The following PARD3 variants were observed in gnomAD, a reference collection of about 807,000 sequenced individuals.
PARD3 encodes the protein partitioning defective 3 homolog.
In PARD3, 75 loss-of-function variants were observed where a neutral mutation model predicts 155.4. That is an observed-to-expected ratio of 0.48 (90% CI 0.40 to 0.58). PARD3 has a LOEUF of 0.58. PARD3 is among the 20% of genes least tolerant of loss of function. The probability of loss-of-function intolerance (pLI) is 0.00; values close to 1 mark genes in which losing one functional copy is unlikely to be tolerated. For missense variants in PARD3, 1,642 were observed against 1,721.7 expected (o/e 0.95, Z 0.82); for synonymous variants, 576 against 610.5 (o/e 0.94, Z 0.83).
chr10:34,479,373 G>A (rs907789500), intron 3 of PARD3, among the ~76,000 whole-genome samples: 1 of 151,944 alleles, frequency 6.6e-6, no homozygotes, highest in Non-Finnish European at 1.5e-5. Context: ...GTGTTAGCCA[G>A]AATGGACTCT....
intron 14 of PARD3, among the ~76,000 whole-genome samples, chr10:34,357,500 T>C (rs1027365190): frequency 2.6e-5 from 4 of 152,206 alleles, no homozygotes; most frequent in African/African-American, 7.2e-5. Context: ...GAGAATGATA[T>C]GTTTTGTAAA....
chr10:34,140,035 G>C (rs1215819215), intron 22 of PARD3, among the ~76,000 whole-genome samples: 3 of 152,120 alleles, frequency 2.0e-5, no homozygotes, highest in Non-Finnish European at 4.4e-5. Context: ...GTAAATTAGT[G>C]AGCAAACACA....
chr10:34,756,477 TAAAAAAA>T lies in PARD3; in HGVS notation c.120+58392_120+58398del, dbSNP rs34468358. Among the ~76,000 whole-genome samples, 264 of 83,282 alleles carry T rather than the reference TAAAAAAA, an allele frequency of 3.2e-3. 2 individuals are homozygous for T. Among genetic ancestry groups the T allele is most frequent in the Non-Finnish European group, 4.2e-3 (195 of 46,634 alleles). The allele number at this position is 83,282 out of a possible 152,430, so 54.6% of individuals were successfully genotyped here. A position where few individuals can be genotyped will look rare whatever the true frequency, so the allele number is the denominator to read the frequency against. ...CAATGCACCTTTTTTTTTTTTCTTA[TAAAAAAA>T]AAAAAAAAAAAAAAGAGTCAGCTCT... On this transcript the variant is annotated intron_variant, in intron 1 of 24. Transcript: ENST00000374788.
intron 2 of PARD3, among the ~76,000 whole-genome samples, chr10:34,595,015 G>A (rs117603466): frequency 1.3e-5 from 2 of 152,144 alleles, no homozygotes; most frequent in African/African-American, 4.8e-5. Flanking sequence ...CTCAGCTACA[G>A]TAGACATGTA....
At chr10:34,368,799 C>T (rs577366047) in intron 12 of PARD3, among the ~76,000 whole-genome samples, 9 of 136,836 alleles carry the variant, frequency 6.6e-5, no homozygotes, top group Non-Finnish European at 1.4e-4. Flanking sequence ...GTACTAAACG[C>T]GTGTTCTAGG....
rs112948484 is a variant in PARD3, at chr10:34,359,966, A to T, written c.1896+105T>A. ...TTAAATGTGAATGTGGGTACCATAA[A>T]GAAATGAGAAAACTTCTGTTAACTG... On this transcript the variant is annotated intron_variant, in intron 13 of 24. Transcript: ENST00000374788. The T allele has an allele frequency of 3.8e-5, 31 of 821,902 alleles. No homozygotes were observed. The African/African-American group carries it at 3.9e-4, about 10-fold the overall frequency. The allele number at this position is 821,902 out of a possible 1,614,324, so 50.9% of individuals were successfully genotyped here.
chr10:34,716,599 T>G (rs1293773470), intron 1 of PARD3, among the ~76,000 whole-genome samples: 1 of 143,890 alleles, frequency 6.9e-6, no homozygotes, highest in Non-Finnish European at 1.5e-5. Flanking sequence ...TTTTTTTTTT[T>G]TTTTTTTTTT....
chr10:34,168,186 A>G (rs930046693), intron 22 of PARD3, among the ~76,000 whole-genome samples: 4 of 152,184 alleles, frequency 2.6e-5, no homozygotes, highest in African/African-American at 9.7e-5. Context: ...TTTATGAAAA[A>G]TACCTCCTCC....
At chr10:34,476,831 G>A (rs1220804014) in intron 3 of PARD3, among the ~76,000 whole-genome samples, 1 of 152,206 alleles carries the variant, frequency 6.6e-6, no homozygotes, top group Non-Finnish European at 1.5e-5. Context: ...CAGAGTTCTA[G>A]AGAATGGTGC....
chr10:34,537,998 C>G (rs1331063080), intron 2 of PARD3, among the ~76,000 whole-genome samples: 1 of 152,030 alleles, frequency 6.6e-6, no homozygotes. Flanking sequence ...TGGCAAATGA[C>G]AAGGGAAAAA....
chr10:34,563,348 T>C (rs1564847079), intron 2 of PARD3, among the ~76,000 whole-genome samples: 1 of 152,116 alleles, frequency 6.6e-6, no homozygotes, highest in Non-Finnish European at 1.5e-5. Flanking sequence ...AAACATTTCA[T>C]GAATCCTATA....
chr10:34,608,598 G>A (rs887759270), intron 2 of PARD3, among the ~76,000 whole-genome samples: 20 of 142,308 alleles, frequency 1.4e-4, no homozygotes, highest in African/African-American at 5.4e-4. Context: ...GCAATGGCCC[G>A]ATCTTGGCTC....
At chr10:34,653,741 C>T (rs1182485047) in intron 2 of PARD3, among the ~76,000 whole-genome samples, 1 of 150,506 alleles carries the variant, frequency 6.6e-6, no homozygotes, top group Non-Finnish European at 1.5e-5. Context: ...TATGTTCGCA[C>T]CTGTGAATAG....
At chr10:34,343,718 T>C (rs1837080814) in intron 15 of PARD3, 1 of 984,694 alleles carries the variant, frequency 1.0e-6, no homozygotes, top group Non-Finnish European at 1.2e-6. Flanking sequence ...TAGTAGTTGG[T>C]ACATCATAAA....
intron 7 of PARD3, among the ~76,000 whole-genome samples, chr10:34,395,919 T>A (rs1285015437): frequency 6.6e-6 from 1 of 152,014 alleles, no homozygotes; most frequent in Non-Finnish European, 1.5e-5. Context: ...TATTTGTCTC[T>A]ATTTCTACAT....
chr10:34,604,570 T>TTA (rs758435029), intron 2 of PARD3, among the ~76,000 whole-genome samples: 9 of 147,992 alleles, frequency 6.1e-5, no homozygotes, highest in Admixed American at 2.7e-4. Flanking sequence ...TCTCCTTTAT[T>TTA]TATATATATA....
intron 19 of PARD3, among the ~76,000 whole-genome samples, chr10:34,318,687 C>T (rs1477535295): frequency 1.3e-5 from 2 of 152,164 alleles, no homozygotes; most frequent in Non-Finnish European, 2.9e-5. Context: ...TATAGCTACG[C>T]CCAAGTAACA....
At chr10:34,448,275 C>A (rs2076866490) in intron 5 of PARD3, among the ~76,000 whole-genome samples, 1 of 150,544 alleles carries the variant, frequency 6.6e-6, no homozygotes, top group South Asian at 2.1e-4. Context: ...AAGAAATAAG[C>A]CAAACACAGA....
At chr10:34,315,894 C>T (rs1177536413) in intron 20 of PARD3, among the ~76,000 whole-genome samples, 2 of 152,124 alleles carry the variant, frequency 1.3e-5, no homozygotes, top group Non-Finnish European at 1.5e-5. Flanking sequence ...ATAGGCCAGG[C>T]TTTGTGTTAA....
Sources: allele counts gnomAD v4.1 joint callset (sites outside exome capture counted in the v4.1 genomes callset), GRCh38; gene constraint gnomAD v4.1.1; transcripts MANE v1.5; gene names NCBI Gene and HGNC (gene_info 2026-07-23, HGNC 2026-07-21).